The following XKR4 variants were observed in gnomAD, a reference collection of about 807,000 sequenced individuals.
The protein encoded by XKR4 is XK-related protein 4.
A neutral mutation model predicts 53.9 loss-of-function variants in XKR4; 12 were observed. The ratio of observed to expected loss-of-function variants is 0.22; its 90% confidence interval spans 0.14 to 0.36. The LOEUF (loss-of-function observed/expected upper bound fraction) is 0.36, where lower values mean the gene tolerates loss of function less well. Ranked by LOEUF, XKR4 falls within the 10% of genes least tolerant of loss-of-function variation. XKR4 has a pLI of 1.00. For missense variants in XKR4, 799 were observed against 859.5 expected (o/e 0.93, Z 0.88); for synonymous variants, 354 against 362.4 (o/e 0.98, Z 0.26).
At chr8:55,231,244 G>A (rs1398047746) in intron 1 of XKR4, among the ~76,000 whole-genome samples, 2 of 152,174 alleles carry the variant, frequency 1.3e-5, no homozygotes, top group East Asian at 3.8e-4. Flanking sequence ...TATGAGGAAT[G>A]AACTGAAGTA....
intron 1 of XKR4, among the ~76,000 whole-genome samples, chr8:55,232,626 C>T (rs7830161): frequency 0.79 from 119,509 of 152,144 alleles, 49,207 homozygotes; most frequent in Non-Finnish European, 0.92. Context: ...ATTTTTCCCA[C>T]AGTGGCACTT....
intron 2 of XKR4, among the ~76,000 whole-genome samples, chr8:55,497,159 T>C (rs1318653321): frequency 6.6e-6 from 1 of 152,242 alleles, no homozygotes; most frequent in Non-Finnish European, 1.5e-5. Context: ...TCCTGAACCG[T>C]ATTTCCCAGA....
At chr8:55,321,256 T>C (rs2129379443) in intron 1 of XKR4, among the ~76,000 whole-genome samples, 1 of 152,332 alleles carries the variant, frequency 6.6e-6, no homozygotes, top group Non-Finnish European at 1.5e-5. Flanking sequence ...AGTTCCTCTC[T>C]CTGTTATTAA....
chr8:55,251,792 G>A (rs1038001885), intron 1 of XKR4, among the ~76,000 whole-genome samples: 12 of 152,082 alleles, frequency 7.9e-5, no homozygotes, highest in Non-Finnish European at 4.4e-5. Context: ...TTATGACTCC[G>A]CAAATGTTTG....
chr8:55,248,648 A>G (rs1554572285), intron 1 of XKR4, among the ~76,000 whole-genome samples: 1 of 151,952 alleles, frequency 6.6e-6, no homozygotes, highest in Non-Finnish European at 1.5e-5. Flanking sequence ...TTTTTTTTGC[A>G]TGTTTCATAG....
intron 2 of XKR4, among the ~76,000 whole-genome samples, chr8:55,461,776 T>G (rs1193408751): frequency 6.6e-6 from 1 of 152,210 alleles, no homozygotes; most frequent in African/African-American, 2.4e-5. Flanking sequence ...GAGAAGTCCT[T>G]CAAGGACCTG....
chr8:55,513,409 C>T (rs929707444), intron 2 of XKR4, among the ~76,000 whole-genome samples: 2 of 152,178 alleles, frequency 1.3e-5, no homozygotes, highest in Non-Finnish European at 2.9e-5. Flanking sequence ...GAGGCTTTGG[C>T]CAGCATGGTC....
At chr8:55,370,801 C>A (rs1452833766) in intron 2 of XKR4, among the ~76,000 whole-genome samples, 1 of 152,094 alleles carries the variant, frequency 6.6e-6, no homozygotes, top group Non-Finnish European at 1.5e-5. Flanking sequence ...ATGATGGGGG[C>A]AGCACTCCAG....
intron 2 of XKR4, among the ~76,000 whole-genome samples, chr8:55,486,591 C>A (rs796490525): frequency 1.3e-5 from 2 of 152,328 alleles, no homozygotes; most frequent in African/African-American, 4.8e-5. Context: ...AGAAGTCATA[C>A]ACAATTGAAT....
chr8:55,416,841 C>T lies in XKR4; in HGVS notation c.1006+58964C>T, dbSNP rs118057906. ...GCCCAAGTCTACAGTTTTTAACTCA[C>T]AAGACAATGATCTAGTTTCTATGAC... On this transcript the variant is annotated intron_variant, in intron 2 of 2. Coordinates refer to ENST00000327381, the MANE Select transcript of XKR4 (RefSeq NM_052898.2). Among the ~76,000 whole-genome samples the T allele has an allele frequency of 9.2e-3, 1,406 of 152,348 alleles. 9 individuals carry two copies. The highest frequency in any genetic ancestry group is 0.02 in the Middle Eastern group (6 of 294).
At chr8:55,198,712 T>A (rs913620443) in intron 1 of XKR4, among the ~76,000 whole-genome samples, 5 of 152,118 alleles carry the variant, frequency 3.3e-5, no homozygotes, top group Non-Finnish European at 5.9e-5. Flanking sequence ...AGAAATTTGT[T>A]ATAATAAATA....
chr8:55,451,865 A>T (rs777395184), intron 2 of XKR4: 23 of 865,784 alleles, frequency 2.7e-5, no homozygotes, highest in Non-Finnish European at 3.6e-5. Context: ...AAGGCTGAGG[A>T]CGGGGTCAGT....
At chr8:55,266,081 C>T (rs538995402) in intron 1 of XKR4, among the ~76,000 whole-genome samples, 4 of 151,922 alleles carry the variant, frequency 2.6e-5, no homozygotes, top group African/African-American at 9.6e-5. Flanking sequence ...TTGCTTGAGC[C>T]TGGGAGGTTG....
chr8:55,173,580 T>C (rs897236836), intron 1 of XKR4, among the ~76,000 whole-genome samples: 3 of 152,222 alleles, frequency 2.0e-5, no homozygotes, highest in Non-Finnish European at 4.4e-5. Flanking sequence ...AGCTGATTTT[T>C]ATTCTGACAG....
intron 2 of XKR4, chr8:55,450,413 C>A: frequency 1.7e-6 from 1 of 578,832 alleles, no homozygotes; most frequent in Admixed American, 2.8e-5. Flanking sequence ...TGGAACATGG[C>A]TGTCCTCTTG....
intron 2 of XKR4, among the ~76,000 whole-genome samples, chr8:55,487,112 C>A (rs1806203853): frequency 6.6e-6 from 1 of 152,134 alleles, no homozygotes; most frequent in Admixed American, 6.5e-5. Flanking sequence ...TGGCTGAATC[C>A]AACTCAGATG....
chr8:55,275,968 C>A (rs1267696888), intron 1 of XKR4, among the ~76,000 whole-genome samples: 2 of 152,190 alleles, frequency 1.3e-5, no homozygotes, highest in Non-Finnish European at 2.9e-5. Context: ...TGTTGTGATG[C>A]TAAAGGTTAT....
At chr8:55,355,646 G>A (rs1201424738) in intron 1 of XKR4, among the ~76,000 whole-genome samples, 1 of 152,174 alleles carries the variant, frequency 6.6e-6, no homozygotes, top group Non-Finnish European at 1.5e-5. Context: ...GCTTATAAGA[G>A]AATGAATGTC....
chr8:55,203,120 AAT>A (rs1817597870), intron 1 of XKR4, among the ~76,000 whole-genome samples: 1 of 152,246 alleles, frequency 6.6e-6, no homozygotes, highest in African/African-American at 2.4e-5. Flanking sequence ...TGTCGGATAA[AAT>A]GACAGACATG....
Sources: gnomAD v4.1 joint callset for allele counts (sites outside exome capture counted in the v4.1 genomes callset) on GRCh38, gnomAD v4.1.1 for gene constraint, MANE v1.5 for transcripts, NCBI Gene and HGNC (gene_info 2026-07-23, HGNC 2026-07-21) for gene names.